The following CMIP variants were observed in gnomAD, a reference collection of about 807,000 sequenced individuals.
CMIP encodes the protein C-Maf-inducing protein.
Under a neutral mutation model 97.3 loss-of-function variants are expected in CMIP, and 13 were observed. The ratio of observed to expected loss-of-function variants is 0.13; its 90% CI spans 0.09 to 0.21. CMIP has a LOEUF of 0.21. CMIP is among the 10% of genes least tolerant of loss of function. The pLI is 1.00. For synonymous variants in CMIP, 538 were observed against 436.3 expected (o/e 1.23, Z -2.91); for missense variants, 847 against 1,024.9 (o/e 0.83, Z 2.37).
At chr16:81,474,530 A>G (rs141138360) in intron 1 of CMIP, among the ~76,000 whole-genome samples, 1,717 of 152,116 alleles carry the variant, frequency 0.011, 12 homozygotes, top group Middle Eastern at 0.041. Flanking sequence ...CTCTGGTGGG[A>G]GGTGCTGCGT....
At chr16:81,691,683 C>T (rs1597256282) in intron 10 of CMIP, 92 bp from the exon 11 acceptor site, 2 of 966,090 alleles carry the variant, frequency 2.1e-6, no homozygotes, top group East Asian at 5.0e-5. Flanking sequence ...GCCAGGCTCT[C>T]ACCCCATCTT....
chr16:81,617,994 C>T (rs533881756), intron 2 of CMIP, among the ~76,000 whole-genome samples: 12 of 152,308 alleles, frequency 7.9e-5, no homozygotes, highest in East Asian at 1.9e-4. Context: ...TCCGTCCAGC[C>T]GGTGGCAGCT....
intron 1 of CMIP, among the ~76,000 whole-genome samples, chr16:81,512,901 T>A (rs959714847): frequency 2.6e-5 from 4 of 152,132 alleles, no homozygotes; most frequent in African/African-American, 7.2e-5. Flanking sequence ...CACACCCAGC[T>A]AATTTTTGCA....
At chr16:81,493,595 G>C (rs1435758993) in intron 1 of CMIP, among the ~76,000 whole-genome samples, 1 of 152,252 alleles carries the variant, frequency 6.6e-6, no homozygotes, top group East Asian at 1.9e-4. Flanking sequence ...GCCCAGCCTT[G>C]TTGAATCTTC....
chr16:81,486,969 C>A (rs754516136), intron 1 of CMIP, among the ~76,000 whole-genome samples: 1 of 152,278 alleles, frequency 6.6e-6, no homozygotes, highest in Non-Finnish European at 1.5e-5. Context: ...GATAACCGCA[C>A]TGGGCGTTGA....
At position 81,672,188 on chromosome 16, in the gene CMIP, GC is replaced by G. The variant is rs1276213005; in HGVS notation, c.1034+119del. 4 of 617,380 alleles carry G rather than the reference GC, an allele frequency of 6.5e-6. No individual in the cohort carries two copies. The African/African-American group carries it at 7.3e-5, about 11-fold the overall frequency. 38.2% of individuals were successfully genotyped at this position (617,380 alleles called of 1,614,324 possible). On this transcript the variant is annotated intron_variant, in intron 9 of 20. Transcript: ENST00000537098. ...GAGAGGTGGAGTGGCTGTTTACTGGGCAGACCTCATGGTGTGTTTGCCAGTT... is the reference window on the plus strand; with the variant it reads ...GAGAGGTGGAGTGGCTGTTTACTGGGAGACCTCATGGTGTGTTTGCCAGTT...
At chr16:81,541,830 G>A (rs919595977) in intron 1 of CMIP, among the ~76,000 whole-genome samples, 1 of 152,198 alleles carries the variant, frequency 6.6e-6, no homozygotes, top group African/African-American at 2.4e-5. Flanking sequence ...ATGTGAAAAC[G>A]ACCCAGAGGC....
At chr16:81,482,942 G>A (rs1023496329) in intron 1 of CMIP, among the ~76,000 whole-genome samples, 2 of 152,230 alleles carry the variant, frequency 1.3e-5, no homozygotes, top group Non-Finnish European at 1.5e-5. Flanking sequence ...GCGGTGGCGC[G>A]TCCACTGTGC....
At chr16:81,446,558 T>G (rs2317239) in intron 1 of CMIP, among the ~76,000 whole-genome samples, 50,855 of 151,370 alleles carry the variant, frequency 0.34, 13,013 homozygotes, top group African/African-American at 0.71. Flanking sequence ...TCATTGGGGG[T>G]GTAGCTTGTC....
intron 2 of CMIP, chr16:81,611,388 A>C (rs1156585033): frequency 6.6e-6 from 1 of 152,036 alleles, no homozygotes; most frequent in African/African-American, 2.4e-5. Flanking sequence ...ACCCTGCTGC[A>C]TTACAGCACA....
intron 1 of CMIP, among the ~76,000 whole-genome samples, chr16:81,600,705 T>A (rs1364180549): frequency 1.3e-5 from 2 of 152,208 alleles, no homozygotes; most frequent in African/African-American, 4.8e-5. Context: ...GCCCGTGAAT[T>A]GTACATCTTA....
At chr16:81,602,517 C>G (rs2091674270) in intron 1 of CMIP, among the ~76,000 whole-genome samples, 1 of 152,218 alleles carries the variant, frequency 6.6e-6, no homozygotes, top group Non-Finnish European at 1.5e-5. Context: ...TGTATACAGC[C>G]AAGTGACATC....
intron 1 of CMIP, among the ~76,000 whole-genome samples, chr16:81,496,085 G>T (rs2089485731): frequency 6.6e-6 from 1 of 152,182 alleles, no homozygotes; most frequent in Non-Finnish European, 1.5e-5. Flanking sequence ...TGAATCCAGG[G>T]TAGCAAGTGT....
chr16:81,706,103 T>C (rs545194746), intron 19 of CMIP, among the ~76,000 whole-genome samples: 126 of 152,330 alleles, frequency 8.3e-4, no homozygotes, highest in African/African-American at 2.9e-3. Flanking sequence ...CACAGAATTC[T>C]CAAGGAACCT....
In CMIP at chr16:81,607,516, G is replaced by C. The variant is rs930239685; in HGVS notation, c.301-51G>C. The C allele has an allele frequency of 5.0e-6, 8 of 1,598,754 alleles. No individual in the cohort carries two copies. The African/African-American group carries it at 1.1e-4, about 21-fold the overall frequency. ...AAACCGTCTGAGATGCGGACGTCAT[G>C]CCTGCTACTGTAACCAATGCATATC... is the stretch of plus-strand genomic sequence containing the variant. On this transcript the variant is annotated intron_variant, in intron 1 of 20. Coordinates refer to ENST00000537098, the MANE Select transcript of CMIP (RefSeq NM_198390.3).
chr16:81,515,341 G>A (rs1303173046), intron 1 of CMIP, among the ~76,000 whole-genome samples: 1 of 152,180 alleles, frequency 6.6e-6, no homozygotes, highest in African/African-American at 2.4e-5. Flanking sequence ...AAGCGTTGTG[G>A]TCCCTCACGC....
intron 10 of CMIP, among the ~76,000 whole-genome samples, chr16:81,678,864 G>A (rs1264749554): frequency 6.6e-6 from 1 of 152,254 alleles, no homozygotes; most frequent in Non-Finnish European, 1.5e-5. Flanking sequence ...TGTGGCTCTG[G>A]TTGTGTATCT....
At chr16:81,458,751 T>C (rs1392842251) in intron 1 of CMIP, among the ~76,000 whole-genome samples, 1 of 152,144 alleles carries the variant, frequency 6.6e-6, no homozygotes, top group South Asian at 2.1e-4. Context: ...ACATTTCATA[T>C]GAGGCCATTT....
intron 10 of CMIP, among the ~76,000 whole-genome samples, chr16:81,690,233 A>T (rs1246919622): frequency 2.0e-5 from 3 of 152,226 alleles, no homozygotes; most frequent in African/African-American, 7.2e-5. Flanking sequence ...TGAATCTATA[A>T]ATTACCTTGG....
Sources: allele counts gnomAD v4.1 joint callset (sites outside exome capture counted in the v4.1 genomes callset), GRCh38; gene constraint gnomAD v4.1.1; transcripts MANE v1.5; gene names NCBI Gene and HGNC (gene_info 2026-07-23, HGNC 2026-07-21).